The following RPLP1 variants were observed in gnomAD, a reference collection of about 807,000 sequenced individuals.
RPLP1 encodes the protein large ribosomal subunit protein P1.
A neutral mutation model predicts 11.6 loss-of-function variants in RPLP1; 4 were observed. The ratio of observed to expected loss-of-function variants is 0.34; its 90% CI spans 0.17 to 0.79. The LOEUF is 0.79. Among genes scored for constraint, RPLP1 ranks in the 30% least tolerant of loss-of-function variants. The pLI, the probability that RPLP1 is intolerant of heterozygous loss-of-function variation, is 0.55. For synonymous variants in RPLP1, 54 were observed against 52.2 expected, an observed-to-expected ratio of 1.03 and a Z score of -0.15; for missense variants, 133 against 142.8, an observed-to-expected ratio of 0.93 and a Z score of 0.35.
rs937493641 is a variant in RPLP1 at position 69,452,838 on chromosome 15, C to T, written c.-111C>T. On this transcript the variant is annotated 5_prime_UTR_variant, in exon 1 of 4. Transcript: ENST00000260379. Reference sequence around the variant, plus strand: ...GAGAGCCCCTTTCCTCAGCTGCCGCCAAGGTGCTCGGTCCTTCCGAGGAAG... The same window carrying T: ...GAGAGCCCCTTTCCTCAGCTGCCGCTAAGGTGCTCGGTCCTTCCGAGGAAG... The T allele has an allele frequency of 3.0e-6, 3 of 1,010,636 alleles. No individual in the cohort carries two copies. Among genetic ancestry groups the T allele is most frequent in the East Asian group, 2.6e-5 (1 of 38,146 alleles). The allele number at this position is 1,010,636 out of a possible 1,614,324, so 62.6% of individuals were successfully genotyped here.
In RPLP1 at chr15:69,455,211, A is replaced by C; in HGVS notation, c.189A>C (p.Val63=). 6.2e-7 allele frequency: 1 copy of C among 1,607,084 alleles called. No individual in the cohort carries two copies. The highest frequency in any genetic ancestry group is 8.5e-7 in the Non-Finnish European group (1 of 1,177,012). The part of the protein sequence containing the change: ...NVNIGSLICN[V]GAGGPAPAAG... The stretch of plus-strand genomic sequence containing the variant: ...ACATTGGGAGCCTCATCTGCAATGT[A>C]GGGGCCGGTGGACCTGCTCCAGCAG... Residue 63 remains valine, a synonymous_variant, in exon 3 of 4, where the codon GTA becomes GTC. Transcript: ENST00000260379.
intron 1 of RPLP1, 63 bp from the exon 2 acceptor site, chr15:69,453,584 G>A (rs1430781922): frequency 6.6e-7 from 1 of 1,521,428 alleles, no homozygotes; most frequent in East Asian, 2.2e-5. Context: ...TGAGTGACGT[G>A]CAGCATTTTG....
At chr15:69,453,156 C>T in intron 1 of RPLP1, 136 bp downstream of exon 1, 1 of 819,680 alleles carries the variant, frequency 1.2e-6, no homozygotes, top group Non-Finnish European at 2.0e-6. Flanking sequence ...CCGCATAGGG[C>T]GGGCGCTCCT....
At position 69,456,021 on chromosome 15, in the gene RPLP1, T is replaced by A. The variant is rs1360062792; in HGVS notation, c.*514T>A. On this transcript the variant is annotated 3_prime_UTR_variant, in exon 4 of 4. Transcript: ENST00000260379. The stretch of plus-strand genomic sequence containing the variant: ...GTAACACTGAAGGAGTGCAGAAAGT[T>A]TACTTAATAGTTTATTAAGGTCTCC... 6.6e-6 allele frequency: 1 copy of A among 152,100 alleles called. No homozygotes were observed. The highest frequency in any genetic ancestry group is 1.5e-5 in the Non-Finnish European group (1 of 68,060). 9.4% of individuals were successfully genotyped at this position (152,100 alleles called of 1,614,324 possible).
intron 1 of RPLP1, 80 bp downstream of exon 1, chr15:69,453,100 C>T (rs1471867090): frequency 1.1e-5 from 14 of 1,310,492 alleles, no homozygotes; most frequent in South Asian, 6.3e-5. Flanking sequence ...CGGCTCCAGG[C>T]CGTTCGACTG....
Position 69,452,980 on chromosome 15 carries a change from A to G in RPLP1, c.32A>G (p.Tyr11Cys). 1 of 1,578,482 alleles carries G rather than the reference A, an allele frequency of 6.3e-7. No homozygotes were observed. The highest frequency in any genetic ancestry group is 8.6e-7 in the Non-Finnish European group (1 of 1,164,446). ...TCTGTCTCCGAGCTCGCCTGCATCT[A>G]CTCGGCCCTCATTCTGCACGACGAT... MASVSELACI[Y>C]SALILHDDEV... Residue 11 changes from tyrosine (Y) to cysteine (C), a missense_variant, in exon 1 of 4, where the codon TAC (tyrosine) becomes TGC (cysteine). Coordinates refer to ENST00000260379, the MANE Select transcript of RPLP1 (RefSeq NM_001003.3).
chr15:69,453,547 C>G, intron 1 of RPLP1, 100 bp from the exon 2 acceptor site: 2 of 1,269,866 alleles, frequency 1.6e-6, no homozygotes, highest in East Asian at 2.3e-5. Context: ...AATATTTGAG[C>G]TGGTTAAACA....
At position 69,453,686 on chromosome 15, in the gene RPLP1, A is replaced by C; in HGVS notation, c.112A>C (p.Asn38His). Reference protein sequence around the residue: ...INALIKAAGVNVEPFWPGLFA... With the variant: ...INALIKAAGVHVEPFWPGLFA... ...TGCCCTCATTAAAGCAGCCGGTGTAAATGTTGAGCCTTTTTGGCCTGGCTT... is the reference window on the plus strand; with the variant it reads ...TGCCCTCATTAAAGCAGCCGGTGTACATGTTGAGCCTTTTTGGCCTGGCTT... The change falls in exon 2 of 4, where the codon AAT (asparagine) becomes CAT (histidine). Residue 38 changes from asparagine (N) to histidine (H), a missense_variant. Asn to His is a moderately conservative substitution (Grantham distance 68). Transcript: ENST00000260379. 5.0e-6 allele frequency: 8 copies of C among 1,614,052 alleles called. No individual in the cohort carries two copies. Among genetic ancestry groups the C allele is most frequent in the Non-Finnish European group, 6.8e-6 (8 of 1,179,996 alleles).
In RPLP1 at chr15:69,452,906, T is replaced by TA. The variant is rs1446830159; in HGVS notation, c.-42dup. On this transcript the variant is annotated 5_prime_UTR_variant, in exon 1 of 4. Transcript: ENST00000260379. ...TGAGGCCCTCACTTCATCCGGCGAC[T>TA]AGCACCGCGTCCGGCAGCGCCAGCC... The TA allele has an allele frequency of 6.5e-7, 1 of 1,543,104 alleles. No individual in the cohort carries two copies. Among genetic ancestry groups the TA allele is most frequent in the East Asian group, 2.4e-5 (1 of 41,204 alleles).
Position 69,452,940 on chromosome 15 carries a change from G to A in RPLP1, c.-9G>A, listed in dbSNP as rs11554454. On this transcript the variant is annotated 5_prime_UTR_variant, in exon 1 of 4. Coordinates refer to ENST00000260379, the MANE Select transcript of RPLP1 (RefSeq NM_001003.3). ...GTCCGGCAGCGCCAGCCCTACACTC[G>A]CCCGCGCCATGGCCTCTGTCTCCGA... The A allele has an allele frequency of 1.2e-5, 19 of 1,569,696 alleles. No homozygotes were observed. The Admixed American group carries it at 3.3e-4, about 27-fold the overall frequency.
chr15:69,453,445 C>T (rs1262919375), intron 1 of RPLP1: 7 of 624,156 alleles, frequency 1.1e-5, no homozygotes, highest in Middle Eastern at 4.3e-4. Flanking sequence ...AAAATAGCCG[C>T]GTGACTCAGG....
At chr15:69,453,237 T>C (rs1223026849) in intron 1 of RPLP1, 20 of 592,454 alleles carry the variant, frequency 3.4e-5, no homozygotes, top group Admixed American at 6.1e-5. Context: ...GGGCATGGAG[T>C]GCGCTTGAGG....
At chr15:69,454,497 G>T in intron 2 of RPLP1, 1 of 152,314 alleles carries the variant, frequency 6.6e-6, no homozygotes, top group African/African-American at 2.4e-5. Flanking sequence ...CATTGTACAG[G>T]TTACTTAATC....
Position 69,455,641 on chromosome 15 carries a change from C to A in RPLP1, c.*134C>A. 3.0e-6 allele frequency: 2 copies of A among 666,662 alleles called. No homozygotes were observed. The highest frequency in any genetic ancestry group is 2.5e-6 in the Non-Finnish European group (1 of 398,906). 41.3% of individuals were successfully genotyped at this position (666,662 alleles called of 1,614,324 possible). ...TCAGCCTATTCTGCCATGACACAGG[C>A]TGGATTTTCCCTGCCACCATTGCCG... is the stretch of plus-strand genomic sequence containing the variant. On this transcript the variant is annotated 3_prime_UTR_variant, in exon 4 of 4. Coordinates refer to ENST00000260379, the MANE Select transcript of RPLP1 (RefSeq NM_001003.3).
At chr15:69,453,576 A>G in intron 1 of RPLP1, 71 bp from the exon 2 acceptor site, 2 of 1,469,702 alleles carry the variant, frequency 1.4e-6, no homozygotes, top group Non-Finnish European at 1.9e-6. Flanking sequence ...ACACTTATTG[A>G]GTGACGTGCA....
intron 2 of RPLP1, chr15:69,454,544 T>C (rs1892405327): frequency 6.6e-6 from 1 of 152,200 alleles, no homozygotes; most frequent in Non-Finnish European, 1.5e-5. Context: ...AACTCCAGGG[T>C]TGTGACCTCT....
Position 69,452,825 on chromosome 15 carries a change from C to A in RPLP1, c.-124C>A. On this transcript the variant is annotated 5_prime_UTR_variant, in exon 1 of 4. Transcript: ENST00000260379. ...TGCGTATAGGCGCGAGAGCCCCTTT[C>A]CTCAGCTGCCGCCAAGGTGCTCGGT... is the stretch of plus-strand genomic sequence containing the variant. The A allele has an allele frequency of 1.1e-6, 1 of 878,506 alleles. No homozygotes were observed. The allele number at this position is 878,506 out of a possible 1,614,324, so 54.4% of individuals were successfully genotyped here. A position where few individuals can be genotyped will look rare whatever the true frequency, so the allele number is the denominator to read the frequency against.
At chr15:69,453,505 C>T (rs1892385253) in intron 1 of RPLP1, 142 bp from the exon 2 acceptor site, 2 of 864,850 alleles carry the variant, frequency 2.3e-6, no homozygotes, top group African/African-American at 1.7e-5. Flanking sequence ...CATTGCAGGG[C>T]GCCTGGCACA....
chr15:69,455,384 T>C, intron 3 of RPLP1, 44 bp from the exon 4 acceptor site: 1 of 1,575,086 alleles, frequency 6.3e-7, no homozygotes, highest in South Asian at 1.2e-5. Flanking sequence ...CACAAGTATA[T>C]GAAGTATGGA....
Sources: allele counts gnomAD v4.1 joint callset, GRCh38; gene constraint gnomAD v4.1.1; transcripts MANE v1.5; gene names NCBI Gene and HGNC (gene_info 2026-07-23, HGNC 2026-07-21).